KANSL1: variants seen among roughly 807,000 people sequenced by gnomAD.
KANSL1 encodes MLL1/MLL complex subunit KANSL1.
Under a neutral mutation model 103.6 loss-of-function variants are expected in KANSL1, and 22 were observed. The ratio of observed to expected loss-of-function variants is 0.21; its 90% confidence interval spans 0.15 to 0.30. The LOEUF is 0.30. Among genes scored for constraint, KANSL1 ranks in the 10% least tolerant of loss-of-function variants. The pLI is 1.00. For missense variants in KANSL1, 1,337 were observed against 1,399.8 expected (o/e 0.96, Z 0.72); for synonymous variants, 600 against 527.6 (o/e 1.14, Z -1.88).
intron 3 of KANSL1, among the ~76,000 whole-genome samples, chr17:46,092,161 T>C (rs2079420896): frequency 6.6e-6 from 1 of 152,200 alleles, no homozygotes; most frequent in Admixed American, 6.5e-5. Context: ...GTGCACTTTA[T>C]GATGTTCACG....
intron 4 of KANSL1, among the ~76,000 whole-genome samples, chr17:46,077,933 C>CT (rs55833124): frequency 8.6e-5 from 13 of 151,406 alleles, no homozygotes; most frequent in South Asian, 6.3e-4. Context: ...TTTTTTCCAT[C>CT]TTTTTTTTTC....
intron 2 of KANSL1, among the ~76,000 whole-genome samples, chr17:46,167,453 A>G (rs2046062240): frequency 6.6e-6 from 1 of 152,252 alleles, no homozygotes; most frequent in African/African-American, 2.4e-5. Flanking sequence ...TCCCATAATC[A>G]AGGAGATAAA....
At chr17:46,168,870 T>A (rs1195684910) in intron 2 of KANSL1, among the ~76,000 whole-genome samples, 1 of 152,234 alleles carries the variant, frequency 6.6e-6, no homozygotes, top group Non-Finnish European at 1.5e-5. Flanking sequence ...AGAAGAATGC[T>A]CAGAACTAAG....
chr17:46,131,785 T>C (rs1597747510), intron 2 of KANSL1, among the ~76,000 whole-genome samples: 1 of 152,162 alleles, frequency 6.6e-6, no homozygotes, highest in African/African-American at 2.4e-5. Flanking sequence ...GTCTCAGACA[T>C]AGATAGCAAC....
At chr17:46,150,927 C>CAAAAAAAAAA (rs67160662) in intron 2 of KANSL1, among the ~76,000 whole-genome samples, 1 of 134,502 alleles carries the variant, frequency 7.4e-6, no homozygotes, top group Non-Finnish European at 1.6e-5. Flanking sequence ...CCTATTCTGT[C>CAAAAAAAAAA]AAAAAAAAAA....
chr17:46,169,554 C>A (rs948662947), intron 2 of KANSL1: 1 of 152,250 alleles, frequency 6.6e-6, no homozygotes, highest in Non-Finnish European at 1.5e-5. Context: ...CAAGGAAACA[C>A]CAATTCTTCC....
intron 2 of KANSL1, among the ~76,000 whole-genome samples, chr17:46,097,494 GCTC>G (rs1226776030): frequency 1.3e-5 from 2 of 152,168 alleles, no homozygotes; most frequent in African/African-American, 4.8e-5. Context: ...TTACAATCAA[GCTC>G]CTCATTATCT....
intron 2 of KANSL1, among the ~76,000 whole-genome samples, chr17:46,135,735 G>A (rs1056314689): frequency 7.0e-6 from 1 of 143,360 alleles, no homozygotes; most frequent in Non-Finnish European, 1.5e-5. Context: ...AGCGACAGGG[G>A]CCTGCTATGT....
chr17:46,196,289 G>T, upstream of KANSL1: 1 of 449,730 alleles, frequency 2.2e-6, no homozygotes, highest in Non-Finnish European at 4.4e-6. Flanking sequence ...AATCACTCTT[G>T]GAATAGTCAT....
intron 2 of KANSL1, among the ~76,000 whole-genome samples, chr17:46,154,939 G>C (rs966079363): frequency 5.9e-5 from 9 of 152,098 alleles, no homozygotes; most frequent in African/African-American, 2.2e-4. Flanking sequence ...GGGATTACAA[G>C]GTATAAGCCA....
intron 1 of KANSL1, among the ~76,000 whole-genome samples, chr17:46,204,363 G>C (rs1277852280): frequency 1.3e-5 from 2 of 152,200 alleles, no homozygotes; most frequent in African/African-American, 2.4e-5. Flanking sequence ...TACTTGGGAG[G>C]CTGAGGCATA....
chr17:46,057,111 A>C (rs1313558760), intron 6 of KANSL1, among the ~76,000 whole-genome samples: 1 of 152,226 alleles, frequency 6.6e-6, no homozygotes, highest in Non-Finnish European at 1.5e-5. Context: ...AGGAAAACAA[A>C]AAAAATAAAA....
intron 3 of KANSL1, among the ~76,000 whole-genome samples, chr17:46,090,639 G>A (rs1381416983): frequency 6.6e-6 from 1 of 152,178 alleles, no homozygotes; most frequent in Non-Finnish European, 1.5e-5. Flanking sequence ...GTCCAAGTAT[G>A]GTGCTTAATA....
At position 46,217,975 on chromosome 17, in the gene KANSL1, G is replaced by A. The variant is rs28665833; in HGVS notation, c.-90+5696C>T. The stretch of plus-strand genomic sequence containing the variant: ...TGAGAGGCAGAGGTTGCAGTGAACC[G>A]ATATTATGCCACTGCACTCCAGCCT... On this transcript the variant is annotated intron_variant, in intron 1 of 14. Coordinates refer to the KANSL1 transcript ENST00000572904. 6.6e-5 allele frequency among the ~76,000 whole-genome samples: 10 copies of A among 152,166 alleles called. No individual in the cohort carries two copies. The East Asian group carries it at 7.8e-4, about 12-fold the overall frequency.
intron 1 of KANSL1, among the ~76,000 whole-genome samples, chr17:46,188,680 C>A (rs1301405615): frequency 6.6e-6 from 1 of 152,122 alleles, no homozygotes; most frequent in East Asian, 1.9e-4. Context: ...TCACTCAAGG[C>A]AGGAACATTT....
chr17:46,135,504 A>C (rs2044085836), intron 2 of KANSL1, among the ~76,000 whole-genome samples: 2 of 151,258 alleles, frequency 1.3e-5, no homozygotes, highest in African/African-American at 4.9e-5. Flanking sequence ...TTATACCAAG[A>C]CTTTAAAGGT....
chr17:46,067,085 T>C (rs1449769507), intron 5 of KANSL1, among the ~76,000 whole-genome samples: 1 of 152,236 alleles, frequency 6.6e-6, no homozygotes, highest in Non-Finnish European at 1.5e-5. Flanking sequence ...ATTTTGCAAA[T>C]GTTAATGGGC....
intron 3 of KANSL1, among the ~76,000 whole-genome samples, chr17:46,086,828 C>A (rs2079182235): frequency 6.6e-6 from 1 of 152,116 alleles, no homozygotes; most frequent in South Asian, 2.1e-4. Context: ...GGTGTAATAT[C>A]ACACCTGTAG....
intron 2 of KANSL1, among the ~76,000 whole-genome samples, chr17:46,110,430 G>T (rs2042753928): frequency 6.6e-6 from 1 of 152,106 alleles, no homozygotes; most frequent in Non-Finnish European, 1.5e-5. Flanking sequence ...GATCATCACT[G>T]CCCCATTTTT....
Sources: allele counts gnomAD v4.1 joint callset (sites outside exome capture counted in the v4.1 genomes callset), GRCh38; gene constraint gnomAD v4.1.1; transcripts MANE v1.5; gene names NCBI Gene and HGNC (gene_info 2026-07-23, HGNC 2026-07-21).